The following PAM variants were observed in gnomAD, a reference collection of about 807,000 sequenced individuals.
PAM encodes the protein peptidylglycine alpha-amidating monooxygenase.
A neutral mutation model predicts 122.1 loss-of-function variants in PAM; 72 were observed. The observed-to-expected ratio is 0.59, with a 90% CI of 0.49 to 0.72. The LOEUF is 0.72. Ranked by LOEUF, PAM falls within the 30% of genes least tolerant of loss-of-function variation. The probability of loss-of-function intolerance (pLI) is 0.00; values close to 1 mark genes in which losing one functional copy is unlikely to be tolerated. For missense variants in PAM, 1,106 were observed against 1,183.7 expected, an observed-to-expected ratio of 0.93 and a Z score of 0.96; for synonymous variants, 389 against 404.4, an observed-to-expected ratio of 0.96 and a Z score of 0.46.
At chr5:102,783,576 T>A (rs1205022884) in intron 1 of PAM, among the ~76,000 whole-genome samples, 1 of 152,138 alleles carries the variant, frequency 6.6e-6, no homozygotes, top group East Asian at 1.9e-4. Context: ...GAGAAAATAA[T>A]TTGCAGATTC....
chr5:102,907,503 G>A (rs1332337883), intron 4 of PAM, among the ~76,000 whole-genome samples: 1 of 150,862 alleles, frequency 6.6e-6, no homozygotes, highest in Non-Finnish European at 1.5e-5. Context: ...GGGATGGCTG[G>A]GTCAAATGGT....
chr5:102,909,545 G>C lies in PAM; in HGVS notation c.269-4389G>C, dbSNP rs1331738874. Among the ~76,000 whole-genome samples, 3 of 151,822 alleles carry C rather than the reference G, an allele frequency of 2.0e-5. No homozygotes were observed. The East Asian group carries it at 5.9e-4, about 30-fold the overall frequency. Reference sequence around the variant, plus strand: ...AATGGGGACTATAGTCAGAATTACTGGTAATTCGCCCGTGAAACCTTTAAA... The same window carrying C: ...AATGGGGACTATAGTCAGAATTACTCGTAATTCGCCCGTGAAACCTTTAAA... On this transcript the variant is annotated intron_variant, in intron 4 of 25. Coordinates refer to ENST00000438793, the MANE Select transcript of PAM (RefSeq NM_001177306.2).
At chr5:102,891,547 C>T (rs991065559) in intron 3 of PAM, among the ~76,000 whole-genome samples, 2 of 151,776 alleles carry the variant, frequency 1.3e-5, no homozygotes, top group African/African-American at 2.4e-5. Context: ...ATGACTCCAT[C>T]ACTAAACATA....
Position 102,790,567 on chromosome 5 carries a change from T to C in PAM, c.-374+35219T>C, listed in dbSNP as rs147759141. Reference sequence around the variant, plus strand: ...CCTAATAGTGTGGTATTAGGTTAGATAGAGCTTCTTCATATGGTATTAGGT... The same window carrying C: ...CCTAATAGTGTGGTATTAGGTTAGACAGAGCTTCTTCATATGGTATTAGGT... On this transcript the variant is annotated intron_variant, in intron 1 of 25. Coordinates refer to ENST00000438793, the MANE Select transcript of PAM (RefSeq NM_001177306.2). 1.1e-4 allele frequency among the ~76,000 whole-genome samples: 16 copies of C among 152,164 alleles called. No homozygotes were observed. The East Asian group carries it at 1.7e-3, about 17-fold the overall frequency.
chr5:102,956,903 A>G (rs1760932181), intron 12 of PAM, among the ~76,000 whole-genome samples: 1 of 152,070 alleles, frequency 6.6e-6, no homozygotes, highest in South Asian at 2.1e-4. Context: ...AATCCTTCCA[A>G]ATATACATGT....
At chr5:103,003,810 A>G (rs1161515006) in intron 17 of PAM, among the ~76,000 whole-genome samples, 1 of 152,180 alleles carries the variant, frequency 6.6e-6, no homozygotes, top group Non-Finnish European at 1.5e-5. Context: ...TCAAGTAATC[A>G]CCATTAAGTA....
chr5:102,924,916 C>T (rs779600645), intron 5 of PAM, 41 bp from the exon 6 acceptor site: 2 of 1,048,726 alleles, frequency 1.9e-6, no homozygotes, highest in Admixed American at 1.7e-5. Flanking sequence ...ATGCATTTCA[C>T]TATTTAAATC....
intron 7 of PAM, among the ~76,000 whole-genome samples, chr5:102,936,267 C>T (rs1753220238): frequency 1.3e-5 from 2 of 151,982 alleles, no homozygotes; most frequent in Admixed American, 6.6e-5. Context: ...TGGAAATTGA[C>T]AAATAGTGCA....
chr5:102,761,806 A>G (rs1260280334), intron 1 of PAM, among the ~76,000 whole-genome samples: 1 of 152,246 alleles, frequency 6.6e-6, no homozygotes. Flanking sequence ...GAATAGCATG[A>G]TAATTGTTGC....
At chr5:102,930,463 A>G (rs1419013825) in intron 7 of PAM, among the ~76,000 whole-genome samples, 1 of 152,166 alleles carries the variant, frequency 6.6e-6, no homozygotes, top group Admixed American at 6.5e-5. Context: ...CAGGTTCCAG[A>G]CAAAGGTAAA....
intron 12 of PAM, among the ~76,000 whole-genome samples, chr5:102,952,175 A>G (rs1438644938): frequency 6.6e-6 from 1 of 152,124 alleles, no homozygotes; most frequent in Non-Finnish European, 1.5e-5. Context: ...AGTGTGGGAA[A>G]AAAACAGAAT....
intron 24 of PAM, among the ~76,000 whole-genome samples, chr5:103,025,768 T>C (rs1490531752): frequency 6.6e-6 from 1 of 152,118 alleles, no homozygotes; most frequent in African/African-American, 2.4e-5. Flanking sequence ...TACATGACCA[T>C]GGGCAAGTTA....
chr5:102,944,687 G>A (rs1383159628), intron 7 of PAM, among the ~76,000 whole-genome samples: 1 of 152,054 alleles, frequency 6.6e-6, no homozygotes, highest in Non-Finnish European at 1.5e-5. Context: ...GTCATGGAAG[G>A]ACCCTGAAAC....
intron 1 of PAM, among the ~76,000 whole-genome samples, chr5:102,863,148 T>A (rs1249268450): frequency 2.1e-5 from 3 of 145,138 alleles, no homozygotes; most frequent in Admixed American, 2.0e-4. Context: ...TATAAATCAT[T>A]CTTACCTGAA....
intron 16 of PAM, among the ~76,000 whole-genome samples, chr5:102,999,683 G>T (rs774352188): frequency 2.0e-5 from 3 of 152,176 alleles, no homozygotes; most frequent in Non-Finnish European, 4.4e-5. Flanking sequence ...TGACTTCTGT[G>T]CACCCACAGG....
chr5:102,952,197 A>C (rs964387638), intron 12 of PAM, among the ~76,000 whole-genome samples: 1 of 152,030 alleles, frequency 6.6e-6, no homozygotes, highest in Non-Finnish European at 1.5e-5. Flanking sequence ...TTTTGCCTAG[A>C]GGGCTCTTTA....
intron 4 of PAM, among the ~76,000 whole-genome samples, chr5:102,906,509 T>C (rs1799600269): frequency 6.6e-6 from 1 of 151,630 alleles, no homozygotes; most frequent in Admixed American, 6.6e-5. Context: ...CAGTATCATA[T>C]AGTGGTTAAA....
At chr5:102,982,694 C>G (rs1770312398) in intron 15 of PAM, among the ~76,000 whole-genome samples, 8 of 152,178 alleles carry the variant, frequency 5.3e-5, no homozygotes, top group Admixed American at 5.2e-4. Context: ...CCTATTCAAC[C>G]AACACTATAG....
At chr5:102,785,669 T>C (rs1176982565) in intron 1 of PAM, among the ~76,000 whole-genome samples, 2 of 152,058 alleles carry the variant, frequency 1.3e-5, no homozygotes, top group Non-Finnish European at 2.9e-5. Flanking sequence ...GTTAGTTAAG[T>C]GACATCATGA....
Sources: allele counts gnomAD v4.1 joint callset (sites outside exome capture counted in the v4.1 genomes callset), GRCh38; gene constraint gnomAD v4.1.1; transcripts MANE v1.5; gene names NCBI Gene and HGNC (gene_info 2026-07-23, HGNC 2026-07-21).